Variants in FER observed in about 807,000 individuals in gnomAD.
The protein encoded by FER is tyrosine-protein kinase Fer.
Under a neutral mutation model 111.0 loss-of-function variants are expected in FER, and 63 were observed. That is an observed-to-expected ratio of 0.57 (90% confidence interval 0.46 to 0.70). The LOEUF is 0.70. FER is among the 30% of genes least tolerant of loss of function. The pLI is 0.00. For missense variants in FER, 914 were observed against 954.0 expected (o/e 0.96, Z 0.55); for synonymous variants, 327 against 313.9 (o/e 1.04, Z -0.44).
intron 10 of FER, among the ~76,000 whole-genome samples, chr5:108,935,832 A>G (rs1420287367): frequency 1.3e-5 from 2 of 152,112 alleles, no homozygotes; most frequent in Non-Finnish European, 2.9e-5. Flanking sequence ...GGCCTAGAGC[A>G]TAGATTCTGA....
At chr5:108,929,291 C>T (rs1001278272) in intron 10 of FER, among the ~76,000 whole-genome samples, 6 of 152,040 alleles carry the variant, frequency 3.9e-5, no homozygotes, top group Admixed American at 3.9e-4. Context: ...TAAAGAAGCA[C>T]ACAAAAATAG....
At chr5:108,838,201 T>G (rs1580800284) in intron 5 of FER, among the ~76,000 whole-genome samples, 1 of 152,134 alleles carries the variant, frequency 6.6e-6, no homozygotes, top group East Asian at 1.9e-4. Flanking sequence ...GATGATGAGC[T>G]GTAATGGCAA....
intron 13 of FER, among the ~76,000 whole-genome samples, chr5:108,982,073 A>G (rs920313229): frequency 6.6e-6 from 1 of 152,062 alleles, no homozygotes; most frequent in Non-Finnish European, 1.5e-5. Context: ...TGGACCAGTA[A>G]AGTCAACATC....
intron 1 of FER, chr5:108,748,991 T>C (rs1276062137): frequency 6.6e-6 from 1 of 152,170 alleles, no homozygotes; most frequent in African/African-American, 2.4e-5. Context: ...TGTCAGGTTC[T>C]AGGTAGGTGC....
chr5:109,128,489 T>C (rs1751996192), intron 17 of FER, among the ~76,000 whole-genome samples: 2 of 152,288 alleles, frequency 1.3e-5, no homozygotes, highest in South Asian at 2.1e-4. Flanking sequence ...ATATTTCTAA[T>C]TCATACTTGG....
At chr5:109,071,744 A>G (rs1451916899) in intron 16 of FER, among the ~76,000 whole-genome samples, 1 of 151,978 alleles carries the variant, frequency 6.6e-6, no homozygotes, top group Admixed American at 6.6e-5. Flanking sequence ...TGGTAGTGCA[A>G]AATAATTTTA....
intron 17 of FER, among the ~76,000 whole-genome samples, chr5:109,134,067 C>T (rs1177581932): frequency 6.6e-6 from 1 of 151,902 alleles, no homozygotes; most frequent in Non-Finnish European, 1.5e-5. Flanking sequence ...TACATTAGTT[C>T]CTAAGTATCT....
intron 9 of FER, chr5:108,894,198 C>G (rs963747312): frequency 5.5e-5 from 12 of 218,534 alleles, no homozygotes; most frequent in Admixed American, 5.4e-4. Flanking sequence ...TATTATTCCT[C>G]TCATCCACTC....
At chr5:109,072,245 T>G (rs1256045518) in intron 16 of FER, among the ~76,000 whole-genome samples, 1 of 151,678 alleles carries the variant, frequency 6.6e-6, no homozygotes, top group Admixed American at 6.6e-5. Flanking sequence ...AAAACCTCTT[T>G]CTATTCTATG....
intron 6 of FER, 124 bp from the exon 7 acceptor site, chr5:108,871,241 A>G: frequency 1.5e-6 from 1 of 687,126 alleles, no homozygotes; most frequent in East Asian, 2.8e-5. Flanking sequence ...AAGGTGGTAC[A>G]GGAAACAACC....
intron 10 of FER, among the ~76,000 whole-genome samples, chr5:108,913,644 C>A (rs1456151732): frequency 6.6e-6 from 1 of 152,192 alleles, no homozygotes; most frequent in Non-Finnish European, 1.5e-5. Flanking sequence ...CTCAGTATAT[C>A]TGCTCCTGGA....
At chr5:108,883,562 A>G in intron 9 of FER, 44 bp downstream of exon 9, 1 of 1,494,486 alleles carries the variant, frequency 6.7e-7, no homozygotes, top group Non-Finnish European at 9.0e-7. Flanking sequence ...GTTTAATTGT[A>G]ATTTTACAAA....
chr5:108,758,912 A>G (rs1751411740), intron 1 of FER, among the ~76,000 whole-genome samples: 1 of 152,200 alleles, frequency 6.6e-6, no homozygotes, highest in African/African-American at 2.4e-5. Context: ...ATGCCCTTGA[A>G]AAAAATGCCC....
At position 109,143,723 on chromosome 5, in the gene FER, T is replaced by TTTTGTTTTGTTTTG. The variant is rs370029817; in HGVS notation, c.2049-37021_2049-37020insGTTTTGTTTTGTTT. On this transcript the variant is annotated intron_variant, in intron 17 of 19. Transcript: ENST00000281092. ...TTTTTGTTTTGTTTTGTTTTGTTTTTTTTTGAAAGTCTTGCTGTGTGGCCC... is the reference window on the plus strand; with the variant it reads ...TTTTTGTTTTGTTTTGTTTTGTTTTTTTTGTTTTGTTTTGTTTTGAAAGTCTTGCTGTGTGGCCC... Among the ~76,000 whole-genome samples the TTTTGTTTTGTTTTG allele has an allele frequency of 7.4e-3, 1,123 of 151,490 alleles. 15 individuals carry two copies. The highest frequency in any genetic ancestry group is 0.026 in the African/African-American group (1,060 of 41,280).
chr5:108,917,495 T>G (rs1190093279), intron 10 of FER, among the ~76,000 whole-genome samples: 1 of 152,156 alleles, frequency 6.6e-6, no homozygotes, highest in Non-Finnish European at 1.5e-5. Flanking sequence ...TAGAAATAAT[T>G]TAATTTTTGT....
chr5:108,763,579 C>A (rs928712630), intron 1 of FER, among the ~76,000 whole-genome samples: 3 of 152,120 alleles, frequency 2.0e-5, no homozygotes, highest in Non-Finnish European at 4.4e-5. Context: ...AGGTTTCTTA[C>A]CCTAGAATAT....
intron 3 of FER, among the ~76,000 whole-genome samples, chr5:108,821,905 AATT>A (rs1758888315): frequency 1.3e-5 from 2 of 152,082 alleles, no homozygotes; most frequent in South Asian, 2.1e-4. Flanking sequence ...GTGTATAATA[AATT>A]ATTATTAACT....
intron 17 of FER, among the ~76,000 whole-genome samples, chr5:109,146,686 C>G (rs1582248791): frequency 6.6e-6 from 1 of 152,078 alleles, no homozygotes; most frequent in South Asian, 2.1e-4. Flanking sequence ...AGACAAAGTT[C>G]TTCCCCAAAG....
At position 108,788,953 on chromosome 5, in the gene FER, G is replaced by A. The variant is rs1018678751; in HGVS notation, c.-59-9171G>A. Reference sequence around the variant, plus strand: ...GGTCAAGAATCTTTCATTTTAATTCGCATTGACATTGTCAATTCTAGATCT... The same window carrying A: ...GGTCAAGAATCTTTCATTTTAATTCACATTGACATTGTCAATTCTAGATCT... On this transcript the variant is annotated intron_variant, in intron 2 of 19. Transcript: ENST00000281092. 3.9e-5 allele frequency among the ~76,000 whole-genome samples: 6 copies of A among 151,958 alleles called. No individual in the cohort carries two copies. The East Asian group carries it at 9.6e-4, about 24-fold the overall frequency.
Sources: allele counts gnomAD v4.1 joint callset (sites outside exome capture counted in the v4.1 genomes callset), GRCh38; gene constraint gnomAD v4.1.1; transcripts MANE v1.5; gene names NCBI Gene and HGNC (gene_info 2026-07-23, HGNC 2026-07-21).